The following MAP3K15 variants were observed in gnomAD, a reference collection of about 807,000 sequenced individuals.
MAP3K15 encodes the protein MAPK/ERK kinase kinase 15.
Under a neutral mutation model 99.5 loss-of-function variants are expected in MAP3K15, and 124 were observed. That is an observed-to-expected ratio of 1.25 (90% confidence interval 1.08 to 1.45). The LOEUF (loss-of-function observed/expected upper bound fraction) is 1.45. Ranked by LOEUF, MAP3K15 falls within the 40% of genes most tolerant of loss-of-function variation. The pLI is 0.00. For synonymous variants in MAP3K15, 494 were observed against 439.6 expected (o/e 1.12, Z -1.55); for missense variants, 1,242 against 1,079.7 (o/e 1.15, Z -2.11).
At chrX:19,508,982 G>A (rs765046635) in intron 1 of MAP3K15, among the ~76,000 whole-genome samples, 159 of 111,528 alleles carry the variant, frequency 1.4e-3, no homozygotes, top group African/African-American at 4.5e-3. Context: ...CTCAGCCCAC[G>A]GTACTTTCCT....
At chrX:19,413,866 GAGA>G (rs1006389346) in intron 10 of MAP3K15, among the ~76,000 whole-genome samples, 2 of 108,660 alleles carry the variant, frequency 1.8e-5, no homozygotes, top group African/African-American at 6.7e-5. Context: ...GGGAAAAGGA[GAGA>G]AGAAGGAGGC....
At chrX:19,477,661 G>T (rs2064252087) in intron 3 of MAP3K15, among the ~76,000 whole-genome samples, 1 of 71,887 alleles carries the variant, frequency 1.4e-5, no homozygotes, top group African/African-American at 4.8e-5. Context: ...AATGAGCCAA[G>T]ATCATGCCAC....
chrX:19,449,944 G>GA (rs1358850719), intron 6 of MAP3K15, among the ~76,000 whole-genome samples: 1 of 109,013 alleles, frequency 9.2e-6, no homozygotes. Context: ...AAACCTGGTA[G>GA]AAAAAATATG....
intron 1 of MAP3K15, among the ~76,000 whole-genome samples, chrX:19,491,270 G>T (rs1308290314): frequency 9.0e-6 from 1 of 111,187 alleles, no homozygotes; most frequent in Non-Finnish European, 1.9e-5. Flanking sequence ...TTCCTCAAAA[G>T]AAAAAACCAA....
chrX:19,493,443 G>A (rs1034436790), intron 1 of MAP3K15, among the ~76,000 whole-genome samples: 2 of 110,788 alleles, frequency 1.8e-5, no homozygotes, highest in African/African-American at 6.6e-5. Flanking sequence ...TTGTCACTCA[G>A]GCCAGTAGAC....
At chrX:19,480,481 A>C (rs2064280542) in intron 3 of MAP3K15, among the ~76,000 whole-genome samples, 1 of 110,163 alleles carries the variant, frequency 9.1e-6, no homozygotes, top group African/African-American at 3.3e-5. Context: ...CCCTGTCTCA[A>C]AACAAAACAA....
At chrX:19,458,988 C>A (rs1244220810) in intron 5 of MAP3K15, among the ~76,000 whole-genome samples, 1 of 112,020 alleles carries the variant, frequency 8.9e-6, no homozygotes, top group Non-Finnish European at 1.9e-5. Flanking sequence ...CACGGAACCA[C>A]AGACCAAAAG....
intron 12 of MAP3K15, among the ~76,000 whole-genome samples, chrX:19,409,704 T>C (rs1231199508): frequency 3.6e-5 from 4 of 112,190 alleles, no homozygotes; most frequent in African/African-American, 1.3e-4. Context: ...CTGCTGAATA[T>C]GAGCAAAGCT....
At chrX:19,475,245 GCATA>G (rs1239285632) in intron 3 of MAP3K15, among the ~76,000 whole-genome samples, 12 of 110,767 alleles carry the variant, frequency 1.1e-4, no homozygotes, top group African/African-American at 3.9e-4. Context: ...TCCCTCACAT[GCATA>G]GTTCACAATA....
chrX:19,394,484 C>G (rs1467678143), intron 16 of MAP3K15, among the ~76,000 whole-genome samples: 2 of 111,739 alleles, frequency 1.8e-5, no homozygotes, highest in African/African-American at 6.5e-5. Context: ...CCAGGAACTC[C>G]CCTCCTGTGC....
At chrX:19,425,459 A>C in intron 9 of MAP3K15, 72 bp downstream of exon 9, 1 of 1,016,161 alleles carries the variant, frequency 9.8e-7, no homozygotes, top group South Asian at 2.5e-5. Flanking sequence ...AAACATAGTG[A>C]TTATAAGGAA....
chrX:19,461,914 C>T (rs2064134871), intron 4 of MAP3K15, among the ~76,000 whole-genome samples: 1 of 109,770 alleles, frequency 9.1e-6, no homozygotes, highest in Non-Finnish European at 1.9e-5. Flanking sequence ...TCGCTCGAAC[C>T]CGGGAGGCAG....
chrX:19,361,848 T>C (rs3887560), intron 26 of MAP3K15: 36,150 of 273,027 alleles, frequency 0.13, 6,267 homozygotes, highest in African/African-American at 0.66. Flanking sequence ...TTTAAATGCT[T>C]ATCCCCACAT....
intron 10 of MAP3K15, among the ~76,000 whole-genome samples, chrX:19,414,686 T>G (rs909941989): frequency 2.4e-4 from 27 of 112,401 alleles, no homozygotes; most frequent in African/African-American, 6.8e-4. Flanking sequence ...CTACATTGTT[T>G]TAGAGGAAAG....
At chrX:19,428,459 G>A (rs2063850701) in intron 7 of MAP3K15, among the ~76,000 whole-genome samples, 1 of 111,353 alleles carries the variant, frequency 9.0e-6, no homozygotes, top group South Asian at 3.8e-4. Context: ...ACCACATGGT[G>A]CATTAGGAAC....
At position 19,369,133 on chromosome X, in the gene MAP3K15, T is replaced by C; in HGVS notation, c.3487A>G (p.Thr1163Ala). Residue 1163 changes from threonine to alanine, a missense_variant, in exon 25 of 29, where the codon ACC becomes GCC. Transcript: ENST00000338883. ...DEAEEGYPPA[T>A]GPGQEAQPHQ... Reference sequence around the variant, plus strand: ...GGCTGGGCCTCCTGGCCAGGTCCGGTGGCTGGGGGATAGCCCTCTTCCGCT... The same window carrying C: ...GGCTGGGCCTCCTGGCCAGGTCCGGCGGCTGGGGGATAGCCCTCTTCCGCT... The C allele has an allele frequency of 8.3e-7, 1 of 1,211,004 alleles. No homozygotes were observed. Among genetic ancestry groups the C allele is most frequent in the Non-Finnish European group, 1.1e-6 (1 of 895,289 alleles).
At chrX:19,448,435 G>A (rs1277286435) in intron 6 of MAP3K15, among the ~76,000 whole-genome samples, 3 of 109,262 alleles carry the variant, frequency 2.7e-5, no homozygotes, top group Non-Finnish European at 5.8e-5. Context: ...AATTGGCAGG[G>A]CTGTTAACAG....
intron 11 of MAP3K15, 25 bp from the exon 12 acceptor site, chrX:19,409,998 C>G (rs773015000): frequency 1.7e-6 from 2 of 1,173,237 alleles, no homozygotes; most frequent in South Asian, 1.8e-5. Flanking sequence ...AGACAGAAGT[C>G]AATAGTTTGA....
intron 9 of MAP3K15, among the ~76,000 whole-genome samples, chrX:19,424,720 G>A (rs1031456307): frequency 8.2e-5 from 9 of 110,357 alleles, no homozygotes; most frequent in Non-Finnish European, 1.7e-4. Flanking sequence ...ATCACAGCTC[G>A]CTGCAGCCTT....
Sources: allele counts gnomAD v4.1 joint callset (sites outside exome capture counted in the v4.1 genomes callset), GRCh38; gene constraint gnomAD v4.1.1; transcripts MANE v1.5; gene names NCBI Gene and HGNC (gene_info 2026-07-23, HGNC 2026-07-21).